Variants in DIP2C observed in about 807,000 individuals in gnomAD.
DIP2C encodes DIP2 acetate--CoA ligase C (putative), also known as disco-interacting protein 2 homolog C.
DIP2C carries 33 observed loss-of-function variants against 192.4 expected under a neutral mutation model. The ratio of observed to expected loss-of-function variants is 0.17; its 90% CI spans 0.13 to 0.23. The LOEUF is 0.23. DIP2C is among the 10% of genes least tolerant of loss of function. The pLI is 1.00. For synonymous variants in DIP2C, 979 were observed against 864.1 expected, an observed-to-expected ratio of 1.13 and a Z score of -2.33; for missense variants, 1,537 against 2,110.1, an observed-to-expected ratio of 0.73 and a Z score of 5.32.
chr10:538,102 T>C (rs1847790813), intron 1 of DIP2C, among the ~76,000 whole-genome samples: 1 of 152,054 alleles, frequency 6.6e-6, no homozygotes, highest in Non-Finnish European at 1.5e-5. Context: ...GAATGTATTT[T>C]AAATTTTTAA....
chr10:408,855 T>C (rs1964993892), intron 9 of DIP2C, 71 bp downstream of exon 9: 1 of 1,502,378 alleles, frequency 6.7e-7, no homozygotes, highest in African/African-American at 1.4e-5. Flanking sequence ...CTCTGTAATG[T>C]TTAAACAGTG....
intron 22 of DIP2C, among the ~76,000 whole-genome samples, chr10:359,712 C>G (rs1314610521): frequency 1.3e-5 from 2 of 152,222 alleles, no homozygotes; most frequent in Non-Finnish European, 2.9e-5. Flanking sequence ...CAGAACACAA[C>G]ACCCGGGAGA....
At position 441,088 on chromosome 10, in the gene DIP2C, C is replaced by G. The variant is rs941454503; in HGVS notation, c.269-92G>C. On this transcript the variant is annotated intron_variant, in intron 3 of 36. Coordinates refer to ENST00000280886, the MANE Select transcript of DIP2C (RefSeq NM_014974.3). ...TCTCTGTCCCTGCAGCACAGTTCAT[C>G]CACCTTCTGAAACTCACCAACAGAT... 7.0e-6 allele frequency: 10 copies of G among 1,419,234 alleles called. No homozygotes were observed. The East Asian group carries it at 2.5e-4, about 36-fold the overall frequency. 87.9% of individuals were successfully genotyped at this position (1,419,234 alleles called of 1,614,324 possible).
At chr10:608,893 G>C (rs896129575) in intron 1 of DIP2C, among the ~76,000 whole-genome samples, 1 of 151,142 alleles carries the variant, frequency 6.6e-6, no homozygotes, top group Admixed American at 6.6e-5. Flanking sequence ...AAATATACTT[G>C]CAAGTGGTTC....
chr10:362,754 T>C (rs1959688577), intron 21 of DIP2C, 63 bp from the exon 22 acceptor site: 2 of 1,498,202 alleles, frequency 1.3e-6, no homozygotes, highest in East Asian at 2.3e-5. Context: ...CGTATTTATA[T>C]TATGCAAAAT....
At chr10:396,687 T>C (rs1235560148) in intron 10 of DIP2C, among the ~76,000 whole-genome samples, 2 of 152,064 alleles carry the variant, frequency 1.3e-5, no homozygotes, top group Non-Finnish European at 2.9e-5. Context: ...GAGGCTGTCA[T>C]GTAAGCATGA....
In DIP2C at chr10:344,892, G is replaced by C; in HGVS notation, c.3370C>G (p.Gln1124Glu). Residue 1124 changes from glutamine (Q) to glutamate (E), a missense_variant, in exon 28 of 37, where the codon CAG becomes GAG. Coordinates refer to ENST00000280886, the MANE Select transcript of DIP2C (RefSeq NM_014974.3). ...TCTGGGTTGCAAGGTTTGCAGATCT[G>C]GGCAGGCCGCTTCTTTGGCAAATCA... is the stretch of plus-strand genomic sequence containing the variant. ...TDDLPKKRPA[Q>E]ICKPCNPDTL... The C allele has an allele frequency of 6.2e-7, 1 of 1,607,628 alleles. No homozygotes were observed. Among genetic ancestry groups the C allele is most frequent in the South Asian group, 1.1e-5 (1 of 89,660 alleles).
chr10:468,909 C>T (rs942389848), intron 3 of DIP2C, among the ~76,000 whole-genome samples: 2 of 152,258 alleles, frequency 1.3e-5, no homozygotes, highest in Non-Finnish European at 2.9e-5. Flanking sequence ...ATAGTATCTT[C>T]TACACAGTAA....
At chr10:474,461 C>A (rs538845792) in intron 2 of DIP2C, among the ~76,000 whole-genome samples, 1 of 152,338 alleles carries the variant, frequency 6.6e-6, no homozygotes, top group East Asian at 1.9e-4. Context: ...CACTGACAAC[C>A]TGGTGAGAAT....
At position 534,763 on chromosome 10, in the gene DIP2C, G is replaced by A. The variant is rs538599129; in HGVS notation, c.86-48233C>T. ...GCAATCTCGGCTCACTGCAAGCTCC[G>A]CTTCCCGGGTTCACGCCATTCTCCT... is the stretch of plus-strand genomic sequence containing the variant. On this transcript the variant is annotated intron_variant, in intron 1 of 36. Transcript: ENST00000280886. 7.2e-3 allele frequency among the ~76,000 whole-genome samples: 1,081 copies of A among 150,124 alleles called. 12 individuals are homozygous for A. Among genetic ancestry groups the A allele is most frequent in the Non-Finnish European group, 0.013 (852 of 67,756 alleles).
chr10:355,418 CCTTTT>C (rs1283246636), intron 24 of DIP2C, among the ~76,000 whole-genome samples: 1 of 152,198 alleles, frequency 6.6e-6, no homozygotes, highest in Non-Finnish European at 1.5e-5. Flanking sequence ...GCTGGCATTT[CCTTTT>C]GTCTTCAATC....
chr10:392,751 T>C (rs1019521547), intron 10 of DIP2C, among the ~76,000 whole-genome samples: 14 of 150,130 alleles, frequency 9.3e-5, no homozygotes, highest in African/African-American at 2.2e-4. Flanking sequence ...CACACTCACA[T>C]ACACACACAC....
In DIP2C at chr10:336,871, G is replaced by A. The variant is rs556853190; in HGVS notation, c.3584+4328C>T. Among the ~76,000 whole-genome samples, 4 of 148,220 alleles carry A rather than the reference G, an allele frequency of 2.7e-5. No individual in the cohort carries two copies. In the South Asian group the frequency reaches 8.8e-4, roughly 33 times the overall value. ...TGTGGAGGCCTAGACTGGTGTGTGT[G>A]CGCGTGTTGTGGAGGCCTAGGCAGG... On this transcript the variant is annotated intron_variant, in intron 29 of 36. Coordinates refer to ENST00000280886, the MANE Select transcript of DIP2C (RefSeq NM_014974.3).
intron 1 of DIP2C, among the ~76,000 whole-genome samples, chr10:570,335 C>T (rs1849706975): frequency 6.6e-6 from 1 of 152,188 alleles, no homozygotes; most frequent in Non-Finnish European, 1.5e-5. Context: ...AAGCACAGGG[C>T]CCTGCTGACA....
chr10:372,775 A>G (rs954172856), intron 17 of DIP2C, among the ~76,000 whole-genome samples: 2 of 152,010 alleles, frequency 1.3e-5, no homozygotes, highest in Non-Finnish European at 2.9e-5. Context: ...ACAGGTGGGC[A>G]CAGAAGCGCG....
chr10:548,778 T>C lies in DIP2C; in HGVS notation c.86-62248A>G, dbSNP rs1023269238. On this transcript the variant is annotated intron_variant, in intron 1 of 36. Coordinates refer to ENST00000280886, the MANE Select transcript of DIP2C (RefSeq NM_014974.3). ...TGTGCCTGATTTATGGATGACATTT[T>C]AATTAAGATGTTACATCTAACTTTA... Among the ~76,000 whole-genome samples the C allele has an allele frequency of 6.6e-4, 101 of 152,046 alleles. 2 individuals carry two copies. Among genetic ancestry groups the C allele is most frequent in the Admixed American group, 6.5e-3 (99 of 15,272 alleles).
chr10:528,449 G>A (rs554578368), intron 1 of DIP2C, among the ~76,000 whole-genome samples: 19 of 151,656 alleles, frequency 1.3e-4, no homozygotes, highest in East Asian at 1.9e-4. Context: ...CCCCCAGAAC[G>A]CAGACCACTT....
At chr10:530,679 G>A (rs1847314820) in intron 1 of DIP2C, among the ~76,000 whole-genome samples, 2 of 137,792 alleles carry the variant, frequency 1.5e-5, no homozygotes, top group Non-Finnish European at 3.2e-5. Context: ...AAAAAAGACT[G>A]TTACTAACAT....
chr10:460,314 T>TA lies in DIP2C; in HGVS notation c.268+12124dup, dbSNP rs547541358. Among the ~76,000 whole-genome samples, 252 of 152,294 alleles carry TA rather than the reference T, an allele frequency of 1.7e-3. 3 individuals carry two copies. The highest frequency in any genetic ancestry group is 5.8e-3 in the African/African-American group (242 of 41,568). ...TATCAAGTAAAGGTAATGAAGTGCT[T>TA]AAAATCGACTCCAATACATTCTAGG... On this transcript the variant is annotated intron_variant, in intron 3 of 36. Transcript: ENST00000280886.
Sources: allele counts gnomAD v4.1 joint callset (sites outside exome capture counted in the v4.1 genomes callset), GRCh38; gene constraint gnomAD v4.1.1; transcripts MANE v1.5; gene names NCBI Gene and HGNC (gene_info 2026-07-23, HGNC 2026-07-21).